The following JCAD variants were observed in gnomAD, a reference collection of about 807,000 sequenced individuals.
JCAD encodes the protein junctional cadherin 5-associated protein.
In JCAD, 40 loss-of-function variants were observed where a neutral mutation model predicts 98.0. That is an observed-to-expected ratio of 0.41 (90% confidence interval 0.32 to 0.53). The LOEUF (loss-of-function observed/expected upper bound fraction) is 0.53. Among genes scored for constraint, JCAD ranks in the 20% least tolerant of loss-of-function variants. The pLI is 0.31. For missense variants in JCAD, 1,705 were observed against 1,738.1 expected (o/e 0.98, Z 0.34); for synonymous variants, 691 against 682.3 (o/e 1.01, Z -0.20).
chr10:30,106,579 C>G (rs1366895727), intron 1 of JCAD, among the ~76,000 whole-genome samples: 1 of 152,228 alleles, frequency 6.6e-6, no homozygotes, highest in African/African-American at 2.4e-5. Context: ...CGGCTTACCG[C>G]AACCTCTGCC....
intron 1 of JCAD, among the ~76,000 whole-genome samples, chr10:30,112,474 C>A (rs1436885050): frequency 2.0e-5 from 3 of 152,134 alleles, no homozygotes; most frequent in Non-Finnish European, 2.9e-5. Context: ...CACAGTGAGA[C>A]CCTGTCTCTT....
At chr10:30,087,836 T>C (rs1012345632) in intron 1 of JCAD, among the ~76,000 whole-genome samples, 3 of 152,222 alleles carry the variant, frequency 2.0e-5, no homozygotes, top group Non-Finnish European at 2.9e-5. Flanking sequence ...ATTGGACTTC[T>C]GTAACCTTTG....
Position 30,027,302 on chromosome 10 carries a change from T to C in JCAD, c.2846A>G (p.Asp949Gly), listed in dbSNP as rs774163236. The C allele has an allele frequency of 6.2e-7, 1 of 1,614,090 alleles. No homozygotes were observed. Among genetic ancestry groups the C allele is most frequent in the Non-Finnish European group, 8.5e-7 (1 of 1,180,046 alleles). Reference protein sequence around the residue: ...EGGGAPFCSADGSTSAEKRHL... With the variant: ...EGGGAPFCSAGGSTSAEKRHL... ...TCTCTTCTCTGCACTCGTGCTTCCA[T>C]CTGCTGAGCAGAAAGGTGCACCGCC... is the stretch of plus-strand genomic sequence containing the variant. Residue 949 changes from aspartate to glycine, a missense_variant, in exon 3 of 4, where the codon GAT becomes GGT. By Grantham distance (94) the Asp-to-Gly change is moderately conservative. Around this residue, in one of 3 missense-constraint regions of JCAD, gnomAD observed 1,278 missense variants for 1,243.1 expected, o/e 1.03. Transcript: ENST00000375377.
intron 1 of JCAD, among the ~76,000 whole-genome samples, chr10:30,049,697 G>A (rs1837429702): frequency 6.6e-6 from 1 of 152,150 alleles, no homozygotes; most frequent in African/African-American, 2.4e-5. Flanking sequence ...AGAGAAGCAA[G>A]GGTTTGTTCT....
At chr10:30,034,818 A>G (rs1837077889) in intron 2 of JCAD, among the ~76,000 whole-genome samples, 2 of 152,234 alleles carry the variant, frequency 1.3e-5, no homozygotes, top group Non-Finnish European at 2.9e-5. Flanking sequence ...ACTACCATGT[A>G]ATAAGGCATT....
At chr10:30,073,854 C>T (rs1837937660) in intron 1 of JCAD, among the ~76,000 whole-genome samples, 3 of 151,990 alleles carry the variant, frequency 2.0e-5, no homozygotes, top group Non-Finnish European at 2.9e-5. Context: ...AGTGTTTAGT[C>T]AAGATTTCCT....
chr10:30,059,192 C>T lies in JCAD; in HGVS notation c.-60+290G>A, dbSNP rs1837649623. On this transcript the variant is annotated intron_variant, in intron 1 of 3. Transcript: ENST00000375377. The surrounding 1 kb of genome is among the most constrained non-coding windows in gnomAD (Gnocchi z 5.0). ...CAGCCGCGGCCCGCGGTGCCCGCCCCGGGACCCCCGCGCTCCGAGCGGGGC... is the reference window on the plus strand; with the variant it reads ...CAGCCGCGGCCCGCGGTGCCCGCCCTGGGACCCCCGCGCTCCGAGCGGGGC... Among the ~76,000 whole-genome samples, 1 of 151,618 alleles carries T rather than the reference C, an allele frequency of 6.6e-6. No individual in the cohort carries two copies. Among genetic ancestry groups the T allele is most frequent in the Admixed American group, 6.6e-5 (1 of 15,224 alleles).
At chr10:30,086,847 T>C (rs1838175287) in intron 1 of JCAD, among the ~76,000 whole-genome samples, 1 of 152,234 alleles carries the variant, frequency 6.6e-6, no homozygotes, top group Non-Finnish European at 1.5e-5. Context: ...CTAAAAGGGT[T>C]ACAGTTATTT....
At chr10:30,081,786 G>A (rs918806771) in intron 1 of JCAD, among the ~76,000 whole-genome samples, 3 of 152,118 alleles carry the variant, frequency 2.0e-5, no homozygotes, top group African/African-American at 2.4e-5. Flanking sequence ...CCGACATGCC[G>A]CTGCCTAGAA....
chr10:30,113,867 C>A (rs1838747962), intron 1 of JCAD, among the ~76,000 whole-genome samples: 1 of 152,176 alleles, frequency 6.6e-6, no homozygotes. Flanking sequence ...TTCTTAGGTG[C>A]ATTTTCCTTT....
chr10:30,095,708 AG>A (rs1214485610), intron 1 of JCAD, among the ~76,000 whole-genome samples: 1 of 152,208 alleles, frequency 6.6e-6, no homozygotes, highest in Non-Finnish European at 1.5e-5. Context: ...CGCTCATCTT[AG>A]AATCGTGAGT....
intron 1 of JCAD, among the ~76,000 whole-genome samples, chr10:30,050,314 C>CAAAAAAAAAAAAAA (rs61421356): frequency 6.0e-4 from 25 of 41,750 alleles, no homozygotes; most frequent in African/African-American, 6.5e-4. Context: ...GACCCTGTCT[C>CAAAAAAAAAAAAAA]AAAAAAAAAA....
At chr10:30,114,842 GATA>G (rs1838764646) in intron 1 of JCAD, among the ~76,000 whole-genome samples, 2 of 151,930 alleles carry the variant, frequency 1.3e-5, no homozygotes, top group African/African-American at 4.8e-5. Context: ...TAGATAGATA[GATA>G]GATAGATAGA....
upstream of JCAD, among the ~76,000 whole-genome samples, chr10:30,059,854 A>T (rs1415590258): frequency 2.0e-5 from 3 of 152,176 alleles, no homozygotes; most frequent in Non-Finnish European, 4.4e-5. This position sits in a 1 kb window ranked among gnomAD's most constrained non-coding sequence, Gnocchi z 5.0. Context: ...TTCATATCAC[A>T]CAAACACACA....
At chr10:30,018,867 A>C (rs1836594784) in intron 3 of JCAD, among the ~76,000 whole-genome samples, 1 of 152,226 alleles carries the variant, frequency 6.6e-6, no homozygotes, top group Non-Finnish European at 1.5e-5. Flanking sequence ...CCTCAAAAAA[A>C]TTAAAAATAG....
intron 1 of JCAD, among the ~76,000 whole-genome samples, chr10:30,098,313 C>T (rs2132704698): frequency 6.6e-6 from 1 of 152,222 alleles, no homozygotes; most frequent in South Asian, 2.1e-4. Flanking sequence ...TTCTTCCATG[C>T]TACCCCTGTT....
rs1836508409 is a variant in JCAD, at chr10:30,015,153, T to A, written c.*2730A>T. ...AAATACTAATCCATTGCATATGTAA[T>A]CCCTCATATAATTTTTAGCCCAAAT... On this transcript the variant is annotated 3_prime_UTR_variant, in exon 4 of 4. Coordinates refer to ENST00000375377, the MANE Select transcript of JCAD (RefSeq NM_020848.4). The A allele has an allele frequency of 6.6e-6, 1 of 152,234 alleles. No homozygotes were observed. The highest frequency in any genetic ancestry group is 1.5e-5 in the Non-Finnish European group (1 of 68,044). The allele number at this position is 152,234 out of a possible 1,614,324, so 9.4% of individuals were successfully genotyped here. A position where few individuals can be genotyped will look rare whatever the true frequency, so the allele number is the denominator to read the frequency against.
intron 2 of JCAD, among the ~76,000 whole-genome samples, chr10:30,046,322 A>C (rs1200548166): frequency 6.6e-6 from 1 of 152,002 alleles, no homozygotes; most frequent in African/African-American, 2.4e-5. Context: ...CTCCTTTTTT[A>C]CCATCCTGTT....
Position 30,026,824 on chromosome 10 carries a change from C to T in JCAD, c.3324G>A (p.Gln1108=), listed in dbSNP as rs1836819498. 6.2e-7 allele frequency: 1 copy of T among 1,614,070 alleles called. No homozygotes were observed. The highest frequency in any genetic ancestry group is 8.5e-7 in the Non-Finnish European group (1 of 1,180,042). ...SLLPGIRRAG[Q]NQPAEPDASA... ...TTGCATCGGGCTCAGCAGGCTGGTT[C>T]TGTCCCGCTCTCCGGATGCCCGGCA... The change falls in exon 3 of 4, where the codon CAG becomes CAA. Residue 1108 remains glutamine, a synonymous_variant. Transcript: ENST00000375377.
Sources: allele counts gnomAD v4.1 joint callset (sites outside exome capture counted in the v4.1 genomes callset), GRCh38; gene constraint gnomAD v4.1.1; regional missense constraint gnomAD v4.1.1; non-coding constraint Gnocchi (gnomAD v3.1); transcripts MANE v1.5; gene names NCBI Gene and HGNC (gene_info 2026-07-23, HGNC 2026-07-21).